The following RBFOX1 variants were observed in gnomAD, a reference collection of about 807,000 sequenced individuals.
The protein encoded by RBFOX1 is RNA binding protein fox-1 homolog 1.
Under a neutral mutation model 57.7 loss-of-function variants are expected in RBFOX1, and 8 were observed. That is an observed-to-expected ratio of 0.14 (90% CI 0.08 to 0.25). RBFOX1 has a LOEUF of 0.25. Ranked by LOEUF, RBFOX1 falls within the 10% of genes least tolerant of loss-of-function variation. The pLI is 1.00. For synonymous variants in RBFOX1, 326 were observed against 222.4 expected (o/e 1.47, Z -4.15); for missense variants, 611 against 548.5 (o/e 1.11, Z -1.14).
intron 1 of RBFOX1, among the ~76,000 whole-genome samples, chr16:6,199,854 C>T (rs565842881): frequency 2.0e-5 from 3 of 152,284 alleles, no homozygotes; most frequent in Admixed American, 2.0e-4. Flanking sequence ...TCAGCCACAG[C>T]TACCTATCAG....
intron 2 of RBFOX1, among the ~76,000 whole-genome samples, chr16:6,472,616 T>A (rs2095202511): frequency 6.6e-6 from 1 of 151,910 alleles, no homozygotes; most frequent in Admixed American, 6.6e-5. Flanking sequence ...AGCTTCTTTC[T>A]TTTTTCTTTC....
chr16:5,922,820 C>G (rs1440249003), intron 4 of RBFOX1, among the ~76,000 whole-genome samples: 4 of 152,162 alleles, frequency 2.6e-5, no homozygotes, highest in African/African-American at 9.7e-5. Flanking sequence ...GCATGTGAGC[C>G]CAGCCACAGA....
chr16:6,803,362 C>G (rs1240614333), intron 3 of RBFOX1, among the ~76,000 whole-genome samples: 1 of 152,124 alleles, frequency 6.6e-6, no homozygotes, highest in Admixed American at 6.5e-5. Context: ...TCCAGCCGTA[C>G]AGAGAAGAAC....
intron 3 of RBFOX1, among the ~76,000 whole-genome samples, chr16:5,791,486 T>C (rs1188054841): frequency 6.6e-6 from 1 of 152,136 alleles, no homozygotes; most frequent in Non-Finnish European, 1.5e-5. Flanking sequence ...GGCTGGGTAA[T>C]GGTCTATCGT....
At chr16:7,654,060 A>C (rs2144832956) in intron 12 of RBFOX1, 113 bp downstream of exon 12, 2 of 1,154,812 alleles carry the variant, frequency 1.7e-6, no homozygotes, top group Non-Finnish European at 2.3e-6. Flanking sequence ...CCACCCCCAG[A>C]ACCGCCCCCA....
chr16:7,160,001 T>C (rs2077965580), intron 4 of RBFOX1, among the ~76,000 whole-genome samples: 1 of 152,202 alleles, frequency 6.6e-6, no homozygotes, highest in African/African-American at 2.4e-5. Flanking sequence ...AATTGTTTTG[T>C]GTTTTCTTGA....
intron 4 of RBFOX1, among the ~76,000 whole-genome samples, chr16:7,281,316 A>C (rs1403547342): frequency 6.6e-6 from 1 of 151,620 alleles, no homozygotes; most frequent in African/African-American, 2.4e-5. Context: ...TTGCATGTGT[A>C]TTTAATGAGC....
At chr16:5,862,641 T>A (rs928787924) in intron 3 of RBFOX1, among the ~76,000 whole-genome samples, 4 of 152,172 alleles carry the variant, frequency 2.6e-5, no homozygotes, top group Non-Finnish European at 2.9e-5. Flanking sequence ...GCTCTACTGC[T>A]TGCCAGGGAA....
chr16:6,641,877 C>G (rs1481815096), intron 2 of RBFOX1, among the ~76,000 whole-genome samples: 1 of 151,710 alleles, frequency 6.6e-6, no homozygotes, highest in Non-Finnish European at 1.5e-5. Context: ...CCCACTTTAG[C>G]TCACCTGGGG....
intron 1 of RBFOX1, among the ~76,000 whole-genome samples, chr16:6,022,435 C>T (rs533807467): frequency 6.6e-6 from 1 of 152,260 alleles, no homozygotes; most frequent in African/African-American, 2.4e-5. Flanking sequence ...AATCCCATCA[C>T]TCTGGGAGGC....
chr16:7,465,792 A>G (rs2060409367), intron 4 of RBFOX1, among the ~76,000 whole-genome samples: 1 of 152,238 alleles, frequency 6.6e-6, no homozygotes, highest in Non-Finnish European at 1.5e-5. Context: ...ATATGCATTT[A>G]TAACAGGCAA....
chr16:5,486,793 T>C (rs975522970), intron 2 of RBFOX1, among the ~76,000 whole-genome samples: 1 of 152,090 alleles, frequency 6.6e-6, no homozygotes, highest in African/African-American at 2.4e-5. Flanking sequence ...CTCAGTGTTT[T>C]TTTTTTTCTT....
intron 2 of RBFOX1, among the ~76,000 whole-genome samples, chr16:6,436,559 G>T: frequency 7.6e-6 from 1 of 131,806 alleles, no homozygotes; most frequent in East Asian, 2.3e-4. Context: ...TTCACATATA[G>T]GTCCAAGTTG....
In RBFOX1 at chr16:7,168,339, C is replaced by T. The variant is rs562623297; in HGVS notation, c.27+116241C>T. On this transcript the variant is annotated intron_variant, in intron 4 of 15. Transcript: ENST00000550418. The stretch of plus-strand genomic sequence containing the variant: ...CAGCTGAGACATAAAGGAAGTGAAA[C>T]CTTGTCTGATATGTGCTAGGGTGCA... Among the ~76,000 whole-genome samples the T allele has an allele frequency of 4.6e-5, 7 of 152,170 alleles. No individual in the cohort carries two copies. The South Asian group carries it at 1.5e-3, about 32-fold the overall frequency.
At chr16:5,309,906 A>G (rs1009082746) in intron 1 of RBFOX1, among the ~76,000 whole-genome samples, 1 of 152,108 alleles carries the variant, frequency 6.6e-6, no homozygotes, top group African/African-American at 2.4e-5. Context: ...GTCATTTTCA[A>G]ATTTAAACTG....
intron 4 of RBFOX1, among the ~76,000 whole-genome samples, chr16:5,911,399 G>T (rs899245919): frequency 2.0e-5 from 3 of 152,178 alleles, no homozygotes; most frequent in African/African-American, 7.2e-5. Flanking sequence ...GAGACCTCTT[G>T]CTGTTGAGAT....
chr16:5,638,000 A>C (rs56382012), intron 3 of RBFOX1, among the ~76,000 whole-genome samples: 40 of 152,346 alleles, frequency 2.6e-4, no homozygotes, highest in African/African-American at 9.1e-4. Flanking sequence ...TCCCCTGACT[A>C]TTCTTTCCTT....
intron 1 of RBFOX1, among the ~76,000 whole-genome samples, chr16:5,361,029 C>T (rs1161005815): frequency 6.6e-6 from 1 of 152,146 alleles, no homozygotes; most frequent in African/African-American, 2.4e-5. Flanking sequence ...GTCAACTCTA[C>T]AAATGCTAAT....
chr16:7,466,771 T>C (rs2150757993), intron 4 of RBFOX1, among the ~76,000 whole-genome samples: 1 of 152,190 alleles, frequency 6.6e-6, no homozygotes, highest in Middle Eastern at 3.4e-3. Context: ...ATCAAGGGAG[T>C]TATTTGATTA....
Sources: allele counts gnomAD v4.1 joint callset (sites outside exome capture counted in the v4.1 genomes callset), GRCh38; gene constraint gnomAD v4.1.1; transcripts MANE v1.5; gene names NCBI Gene and HGNC (gene_info 2026-07-23, HGNC 2026-07-21).